The following PHTF2 variants were observed in gnomAD, a reference collection of about 807,000 sequenced individuals.
PHTF2 encodes the protein putative homeodomain transcription factor 2, also known as protein PHTF2.
In PHTF2, 60 loss-of-function variants were observed where a neutral mutation model predicts 101.2. The observed-to-expected ratio is 0.59, with a 90% CI of 0.48 to 0.73. PHTF2 has a LOEUF of 0.73. Ranked by LOEUF, PHTF2 falls within the 30% of genes least tolerant of loss-of-function variation. The probability of loss-of-function intolerance (pLI) is 0.00; values close to 1 mark genes in which losing one functional copy is unlikely to be tolerated. For synonymous variants in PHTF2, 311 were observed against 307.3 expected, an observed-to-expected ratio of 1.01 and a Z score of -0.13; for missense variants, 747 against 908.7, an observed-to-expected ratio of 0.82 and a Z score of 2.29.
intron 5 of PHTF2, 150 bp downstream of exon 4, chr7:77,894,143 C>A: frequency 1.5e-6 from 1 of 689,506 alleles, no homozygotes; most frequent in South Asian, 1.7e-5. Flanking sequence ...GAAGTTAGGA[C>A]AGTAAAGCAC....
chr7:77,809,224 GTT>G (rs34141515), intron 1 of PHTF2, among the ~76,000 whole-genome samples: 74 of 98,488 alleles, frequency 7.5e-4, no homozygotes, highest in African/African-American at 2.5e-3. Context: ...CCAGTTCGTT[GTT>G]TTTTTTTTTT....
At chr7:77,832,194 T>TA (rs1795126330) in intron 1 of PHTF2, among the ~76,000 whole-genome samples, 1 of 152,168 alleles carries the variant, frequency 6.6e-6, no homozygotes, top group Non-Finnish European at 1.5e-5. Context: ...AGTCAGTAGA[T>TA]AAAGTGGCTG....
At chr7:77,851,511 A>C (rs1796758701) in intron 2 of PHTF2, among the ~76,000 whole-genome samples, 1 of 151,934 alleles carries the variant, frequency 6.6e-6, no homozygotes, top group African/African-American at 2.4e-5. Context: ...AGTGTGGCTA[A>C]AGGTTTGTTG....
At chr7:77,892,761 G>C (rs1355542704) in intron 3 of PHTF2, among the ~76,000 whole-genome samples, 1 of 152,150 alleles carries the variant, frequency 6.6e-6, no homozygotes, top group African/African-American at 2.4e-5. Context: ...CCTGGTGAAG[G>C]TATAGTTCAG....
At chr7:77,928,920 T>A (rs1371069542) in intron 11 of PHTF2, among the ~76,000 whole-genome samples, 189 bp from the exon 11 acceptor site, 1 of 152,208 alleles carries the variant, frequency 6.6e-6, no homozygotes, top group East Asian at 1.9e-4. Context: ...ATCAAATAAA[T>A]TTTGATGTGA....
chr7:77,875,530 ATATTTATT>A (rs10556864), intron 3 of PHTF2, among the ~76,000 whole-genome samples: 99 of 148,212 alleles, frequency 6.7e-4, no homozygotes, highest in South Asian at 4.5e-3. Context: ...ATAACAGGTA[ATATTTATT>A]TATTTATTTA....
rs185395934 is a variant in PHTF2, at chr7:77,843,561, T to C, written c.45+3261T>C. On this transcript the variant is annotated intron_variant, in intron 2 of 19. Coordinates refer to ENST00000416283, the Ensembl canonical transcript of PHTF2. ...CACAGATCTGTTTTTCTCTTAAATA[T>C]ATGCTTACTAAAAAAAATTTTTAGA... Among the ~76,000 whole-genome samples, 410 of 152,370 alleles carry C rather than the reference T, an allele frequency of 2.7e-3. 3 individuals carry two copies. Among genetic ancestry groups the C allele is most frequent in the Non-Finnish European group, 1.9e-3 (126 of 68,038 alleles).
chr7:77,911,141 T>A (rs183752657), intron 9 of PHTF2, among the ~76,000 whole-genome samples: 1 of 152,318 alleles, frequency 6.6e-6, no homozygotes, highest in East Asian at 1.9e-4. Context: ...TATGTGATTC[T>A]ACTTTTGTAC....
intron 4 of PHTF2, 103 bp downstream of exon 3, chr7:77,893,767 C>T (rs1019796275): frequency 1.8e-5 from 11 of 619,340 alleles, no homozygotes; most frequent in Non-Finnish European, 3.1e-5. Context: ...ATATAAATTA[C>T]TATTCTATTG....
At chr7:77,923,000 C>A in intron 11 of PHTF2, 2 of 1,232,108 alleles carry the variant, frequency 1.6e-6, no homozygotes, top group African/African-American at 1.5e-5. Flanking sequence ...TATGCATTAT[C>A]TTTGAAGACT....
At position 77,954,890 on chromosome 7, in the gene PHTF2, AAAG is replaced by A. The variant is rs777936110; in HGVS notation, c.*17_*19del. ...AGATTAAGTCATGACAATTCAAAGA[AAAG>A]AAGATGTAGCCTCTTTTCCAGAATA... On this transcript the variant is annotated 3_prime_UTR_variant, in exon 20 of 20. Coordinates refer to ENST00000416283, the Ensembl canonical transcript of PHTF2. 2.2e-5 allele frequency: 32 copies of A among 1,467,728 alleles called. No homozygotes were observed. In the Admixed American group the frequency reaches 5.5e-4, roughly 25 times the overall value. 90.9% of individuals were successfully genotyped at this position (1,467,728 alleles called of 1,614,324 possible). A position where few individuals can be genotyped will look rare whatever the true frequency, so the allele number is the denominator to read the frequency against.
intron 1 of PHTF2, among the ~76,000 whole-genome samples, chr7:77,819,261 T>C (rs1473497961): frequency 1.3e-5 from 2 of 152,242 alleles, no homozygotes; most frequent in African/African-American, 4.8e-5. Context: ...ACTAGGACTT[T>C]CAGTAGTATA....
intron 3 of PHTF2, among the ~76,000 whole-genome samples, chr7:77,866,092 G>C (rs1798039385): frequency 6.7e-6 from 1 of 148,356 alleles, no homozygotes. Flanking sequence ...GCCGAGGCAG[G>C]AGAATCACTT....
At chr7:77,932,862 A>T (rs937769589) in intron 12 of PHTF2, among the ~76,000 whole-genome samples, 1 of 152,160 alleles carries the variant, frequency 6.6e-6, no homozygotes, top group African/African-American at 2.4e-5. Flanking sequence ...GCATTATCTC[A>T]TGTATTTAAC....
intron 3 of PHTF2, among the ~76,000 whole-genome samples, chr7:77,890,875 G>T (rs1360470623): frequency 6.7e-6 from 1 of 148,552 alleles, no homozygotes; most frequent in Non-Finnish European, 1.5e-5. Flanking sequence ...AAAGTGCTGG[G>T]ATTACAGGCG....
chr7:77,856,718 G>T (rs1434000902), intron 3 of PHTF2, among the ~76,000 whole-genome samples: 1 of 151,840 alleles, frequency 6.6e-6, no homozygotes, highest in East Asian at 1.9e-4. Flanking sequence ...AAACAATACA[G>T]TATAACAACT....
Position 77,911,351 on chromosome 7 carries a change from G to A in PHTF2, c.776+942G>A, listed in dbSNP as rs1051825678. ...ACCATCAATGAAGACTTACCAAATA[G>A]GAAAATATAATTACAGCAAACATTA... is the stretch of plus-strand genomic sequence containing the variant. On this transcript the variant is annotated intron_variant, in intron 9 of 19. Transcript: ENST00000416283. Among the ~76,000 whole-genome samples the A allele has an allele frequency of 3.3e-5, 5 of 150,980 alleles. No homozygotes were observed. The East Asian group carries it at 7.8e-4, about 24-fold the overall frequency.
At chr7:77,885,628 A>G (rs1033177110) in intron 3 of PHTF2, among the ~76,000 whole-genome samples, 1 of 152,064 alleles carries the variant, frequency 6.6e-6, no homozygotes, top group Non-Finnish European at 1.5e-5. Flanking sequence ...TATTCTTAGT[A>G]GAGATAGGGT....
At chr7:77,807,686 A>G (rs1245555240) in intron 1 of PHTF2, among the ~76,000 whole-genome samples, 2 of 152,174 alleles carry the variant, frequency 1.3e-5, no homozygotes, top group Non-Finnish European at 2.9e-5. Context: ...TTTGATGAAC[A>G]AAAGGTTTTA....
Sources: gnomAD v4.1 joint callset for allele counts (sites outside exome capture counted in the v4.1 genomes callset) on GRCh38, gnomAD v4.1.1 for gene constraint, MANE v1.5 for transcripts, NCBI Gene and HGNC (gene_info 2026-07-23, HGNC 2026-07-21) for gene names.